SLC8A3: variants seen among roughly 807,000 people sequenced by gnomAD.
SLC8A3 encodes the protein solute carrier family 8 member A3.
A neutral mutation model predicts 65.4 loss-of-function variants in SLC8A3; 37 were observed. That is an observed-to-expected ratio of 0.57 (90% confidence interval 0.44 to 0.74). SLC8A3 has a LOEUF of 0.74. Among genes scored for constraint, SLC8A3 ranks in the 30% least tolerant of loss-of-function variants. The pLI is 0.00. For missense variants in SLC8A3, 1,112 were observed against 1,172.1 expected, an observed-to-expected ratio of 0.95 and a Z score of 0.75; for synonymous variants, 461 against 444.5, an observed-to-expected ratio of 1.04 and a Z score of -0.47.
chr14:70,127,856 A>G (rs1158779536), intron 2 of SLC8A3, among the ~76,000 whole-genome samples: 1 of 152,138 alleles, frequency 6.6e-6, no homozygotes, highest in Non-Finnish European at 1.5e-5. Flanking sequence ...TTTTCATTCT[A>G]AACTCTCCCC....
At chr14:70,181,359 A>C (rs1882732997) in intron 1 of SLC8A3, among the ~76,000 whole-genome samples, 1 of 151,428 alleles carries the variant, frequency 6.6e-6, no homozygotes, top group Non-Finnish European at 1.5e-5. Context: ...ATATTCATTT[A>C]TTCACTCCAT....
chr14:70,066,666 C>T (rs1316617999), intron 2 of SLC8A3, among the ~76,000 whole-genome samples: 1 of 152,156 alleles, frequency 6.6e-6, no homozygotes, highest in Non-Finnish European at 1.5e-5. Context: ...CAAAAATTAG[C>T]CAGCCATGGT....
intron 2 of SLC8A3, among the ~76,000 whole-genome samples, chr14:70,085,615 A>T (rs1765375186): frequency 6.6e-6 from 1 of 152,218 alleles, no homozygotes; most frequent in Non-Finnish European, 1.5e-5. Flanking sequence ...AACACTATGC[A>T]GAGATGAATA....
At chr14:70,148,508 C>T (rs1896071450) in intron 2 of SLC8A3, among the ~76,000 whole-genome samples, 1 of 152,120 alleles carries the variant, frequency 6.6e-6, no homozygotes, top group South Asian at 2.1e-4. Context: ...CAAAGGAAGT[C>T]TCTTCAGCCT....
intron 1 of SLC8A3, among the ~76,000 whole-genome samples, chr14:70,175,889 C>G (rs1277789230): frequency 6.6e-6 from 1 of 152,084 alleles, no homozygotes; most frequent in Non-Finnish European, 1.5e-5. Flanking sequence ...TGTGCACCAC[C>G]ACATCTGGCT....
intron 1 of SLC8A3, among the ~76,000 whole-genome samples, chr14:70,185,642 T>C (rs892827058): frequency 6.6e-6 from 1 of 152,240 alleles, no homozygotes; most frequent in East Asian, 1.9e-4. Flanking sequence ...GGAAAGAATG[T>C]AATTGTTCCT....
At chr14:70,097,949 C>A (rs188337149) in intron 2 of SLC8A3, among the ~76,000 whole-genome samples, 1 of 152,176 alleles carries the variant, frequency 6.6e-6, no homozygotes, top group Non-Finnish European at 1.5e-5. Context: ...TGAACATAAA[C>A]CTCCAATGTG....
chr14:70,176,164 C>G (rs11851388), intron 1 of SLC8A3, among the ~76,000 whole-genome samples: 38,158 of 152,196 alleles, frequency 0.25, 5,795 homozygotes, highest in East Asian at 0.58. Flanking sequence ...GGACTTTGCC[C>G]TCTCCAAATC....
intron 2 of SLC8A3, among the ~76,000 whole-genome samples, chr14:70,075,487 A>G (rs1380086567): frequency 6.6e-6 from 1 of 152,122 alleles, no homozygotes; most frequent in Non-Finnish European, 1.5e-5. Flanking sequence ...GGTGGTGTCC[A>G]GTTTTCTCTG....
chr14:70,158,947 C>A (rs1594779229), intron 2 of SLC8A3, among the ~76,000 whole-genome samples: 7 of 152,308 alleles, frequency 4.6e-5, no homozygotes, highest in Admixed American at 3.3e-4. Context: ...TTGATTCTTG[C>A]AAAATGCTTC....
At chr14:70,176,835 G>GA (rs1326418458) in intron 1 of SLC8A3, among the ~76,000 whole-genome samples, 1 of 152,140 alleles carries the variant, frequency 6.6e-6, no homozygotes, top group East Asian at 1.9e-4. Context: ...GTCTTTGTAG[G>GA]AAAATGATGC....
At chr14:70,146,846 G>A (rs544542001) in intron 2 of SLC8A3, among the ~76,000 whole-genome samples, 18 of 152,340 alleles carry the variant, frequency 1.2e-4, no homozygotes, top group Admixed American at 6.5e-4. Flanking sequence ...GCCTGAGGAG[G>A]AAATGTGTGT....
intron 2 of SLC8A3, among the ~76,000 whole-genome samples, chr14:70,161,228 T>C (rs1382529956): frequency 1.6e-5 from 2 of 127,106 alleles, no homozygotes; most frequent in Non-Finnish European, 1.6e-5. Context: ...AGGCAGAGCT[T>C]GCAGTGAGCC....
At chr14:70,060,633 G>A (rs1314574573) in intron 3 of SLC8A3, 1 of 716,960 alleles carries the variant, frequency 1.4e-6, no homozygotes, top group African/African-American at 1.7e-5. Flanking sequence ...AGAAGGCAGA[G>A]ATGATACCGA....
intron 1 of SLC8A3, among the ~76,000 whole-genome samples, chr14:70,175,907 G>A (rs1897878571): frequency 6.6e-6 from 1 of 151,938 alleles, no homozygotes; most frequent in African/African-American, 2.4e-5. Context: ...GCTAATTTTT[G>A]TATTTTTAAT....
intron 2 of SLC8A3, among the ~76,000 whole-genome samples, chr14:70,109,451 GTGTA>G (rs1566785532): frequency 1.9e-5 from 1 of 53,192 alleles, no homozygotes; most frequent in African/African-American, 6.0e-5. Context: ...ATGTACGTGT[GTGTA>G]TATATATATA....
intron 1 of SLC8A3, among the ~76,000 whole-genome samples, chr14:70,169,910 C>G (rs1259591129): frequency 6.6e-6 from 1 of 152,102 alleles, no homozygotes. Flanking sequence ...GCCTTCATCT[C>G]TCTTCTGTCC....
intron 2 of SLC8A3, among the ~76,000 whole-genome samples, chr14:70,135,427 G>C (rs753883002): frequency 1.1e-4 from 16 of 152,154 alleles, no homozygotes; most frequent in Non-Finnish European, 2.1e-4. Context: ...ATGTTGAAGA[G>C]ATATTTTCAC....
chr14:70,057,058 G>A (rs752309755), intron 3 of SLC8A3, among the ~76,000 whole-genome samples: 3 of 152,096 alleles, frequency 2.0e-5, no homozygotes, highest in Non-Finnish European at 4.4e-5. Flanking sequence ...GGGGAACCAG[G>A]GGGGACATGT....
Sources: allele counts gnomAD v4.1 joint callset (sites outside exome capture counted in the v4.1 genomes callset), GRCh38; gene constraint gnomAD v4.1.1; transcripts MANE v1.5; gene names NCBI Gene and HGNC (gene_info 2026-07-23, HGNC 2026-07-21).